GABRA2: variants seen among roughly 807,000 people sequenced by gnomAD.
GABRA2 encodes gamma-aminobutyric acid type A receptor subunit alpha2.
Under a neutral mutation model 48.7 loss-of-function variants are expected in GABRA2, and 16 were observed. That is an observed-to-expected ratio of 0.33 (90% CI 0.22 to 0.50). GABRA2 has a LOEUF of 0.50. Ranked by LOEUF, GABRA2 falls within the 20% of genes least tolerant of loss-of-function variation. The pLI is 0.98. For synonymous variants in GABRA2, 185 were observed against 184.5 expected (o/e 1.00, Z -0.02); for missense variants, 275 against 535.6 (o/e 0.51, Z 4.80).
chr4:46,287,717 C>G (rs1009632109), intron 8 of GABRA2, among the ~76,000 whole-genome samples: 2 of 150,960 alleles, frequency 1.3e-5, no homozygotes, highest in African/African-American at 4.9e-5. Context: ...CAGCATGGCA[C>G]ATGTATACGT....
chr4:46,388,989 G>T (rs200180048), intron 1 of GABRA2: 6 of 1,226,058 alleles, frequency 4.9e-6, no homozygotes, highest in Non-Finnish European at 6.1e-6. Context: ...ACTTCTCTCT[G>T]CCAGGAACGT....
rs2109396086 is a variant in GABRA2 at position 46,389,823 on chromosome 4, G to GAGAGAGAA, written c.-100_-99insTTCTCTCT. 1.1e-6 allele frequency: 1 copy of GAGAGAGAA among 927,068 alleles called. No individual in the cohort carries two copies. Among genetic ancestry groups the GAGAGAGAA allele is most frequent in the South Asian group, 5.2e-5 (1 of 19,174 alleles). The allele number at this position is 927,068 out of a possible 1,614,324, so 57.4% of individuals were successfully genotyped here. On this transcript the variant is annotated 5_prime_UTR_variant, in exon 1 of 10. Coordinates refer to ENST00000381620, the MANE Select transcript of GABRA2 (RefSeq NM_000807.4). The stretch of plus-strand genomic sequence containing the variant: ...CTTGGGAGAGAGAGAGAGAGAGAGA[G>GAGAGAGAA]AGAGAGAGAGAGAGAGAGAGAGAGA...
At chr4:46,356,448 A>AG (rs2109934265) in intron 3 of GABRA2, among the ~76,000 whole-genome samples, 1 of 151,584 alleles carries the variant, frequency 6.6e-6, no homozygotes, top group East Asian at 1.9e-4. Context: ...AAAAAAAAAA[A>AG]AAAGCCACTG....
intron 8 of GABRA2, among the ~76,000 whole-genome samples, chr4:46,291,486 G>C (rs558214079): frequency 6.6e-6 from 1 of 152,220 alleles, no homozygotes; most frequent in South Asian, 2.1e-4. Context: ...ATTTGAGTCA[G>C]TGGGCTGGGA....
chr4:46,335,226 T>C (rs1181994986), intron 3 of GABRA2, among the ~76,000 whole-genome samples: 1 of 152,132 alleles, frequency 6.6e-6, no homozygotes, highest in Non-Finnish European at 1.5e-5. Flanking sequence ...TCCAGTAGAA[T>C]ACAGGTTATT....
At chr4:46,307,291 CT>C (rs1382363759) in intron 6 of GABRA2, among the ~76,000 whole-genome samples, 2 of 151,734 alleles carry the variant, frequency 1.3e-5, no homozygotes, top group African/African-American at 4.8e-5. Flanking sequence ...GATCAAGTAG[CT>C]TGTTTTGTTT....
At chr4:46,355,913 A>G (rs1735885767) in intron 3 of GABRA2, among the ~76,000 whole-genome samples, 1 of 152,172 alleles carries the variant, frequency 6.6e-6, no homozygotes, top group South Asian at 2.1e-4. Flanking sequence ...AACAAAATGT[A>G]GTCAAAACAC....
intron 3 of GABRA2, among the ~76,000 whole-genome samples, chr4:46,355,252 C>T (rs1008563168): frequency 1.3e-4 from 20 of 152,044 alleles, no homozygotes; most frequent in African/African-American, 4.8e-4. Flanking sequence ...TCACTTCTTG[C>T]GGTATAAACA....
At chr4:46,259,534 C>A (rs992780308) in intron 9 of GABRA2, among the ~76,000 whole-genome samples, 1 of 151,786 alleles carries the variant, frequency 6.6e-6, no homozygotes, top group African/African-American at 2.4e-5. Context: ...TGTAATATGT[C>A]GAGTGTGCAC....
At position 46,312,523 on chromosome 4, in the gene GABRA2, T is replaced by A. The variant is rs1200995910; in HGVS notation, c.449A>T (p.Asp150Val). 6.2e-7 allele frequency: 1 copy of A among 1,608,038 alleles called. No homozygotes were observed. Among genetic ancestry groups the A allele is most frequent in the Admixed American group, 1.7e-5 (1 of 58,892 alleles). ...TMPNKLLRIQ[D>V]DGTLLYTMRL... ...CATGGTATACAGCAGAGTCCCATCA[T>A]CCTGAATTCGAAGCAACTTATTTGG... Residue 150 changes from aspartate (D) to valine (V), a missense_variant, in exon 5 of 10, where the codon GAT (aspartate) becomes GTT (valine). This residue lies in a region of GABRA2 where 113 missense variants were observed against 257.1 expected (regional missense o/e 0.44). Coordinates refer to ENST00000381620, the MANE Select transcript of GABRA2 (RefSeq NM_000807.4).
chr4:46,364,638 A>G (rs946692892), intron 3 of GABRA2: 1 of 152,222 alleles, frequency 6.6e-6, no homozygotes, highest in Admixed American at 6.5e-5. Context: ...GCTGGCTGTC[A>G]AGTCTCATCT....
chr4:46,315,558 C>G (rs757352450), intron 4 of GABRA2, among the ~76,000 whole-genome samples: 12 of 152,050 alleles, frequency 7.9e-5, no homozygotes, highest in Non-Finnish European at 1.5e-4. Context: ...CTCCACCTGC[C>G]TCAGTCCCTT....
intron 8 of GABRA2, among the ~76,000 whole-genome samples, chr4:46,292,509 A>T (rs1348779657): frequency 6.6e-6 from 1 of 152,214 alleles, no homozygotes; most frequent in Non-Finnish European, 1.5e-5. Context: ...GTAAACTCTG[A>T]TGAATGGGAT....
chr4:46,292,348 G>T (rs1723830611), intron 8 of GABRA2, among the ~76,000 whole-genome samples: 1 of 152,072 alleles, frequency 6.6e-6, no homozygotes, highest in Admixed American at 6.5e-5. Context: ...CTCTTATCAT[G>T]CAAGTGGCTG....
At chr4:46,303,292 G>T in intron 8 of GABRA2, 168 bp downstream of exon 8, 1 of 639,290 alleles carries the variant, frequency 1.6e-6, no homozygotes, top group Non-Finnish European at 2.8e-6. Flanking sequence ...TATTAACAGT[G>T]TAGCACTATG....
intron 3 of GABRA2, among the ~76,000 whole-genome samples, chr4:46,377,210 G>A (rs1218492593): frequency 1.3e-5 from 2 of 151,494 alleles, no homozygotes; most frequent in Non-Finnish European, 2.9e-5. Context: ...TCTGGGATGT[G>A]AGGAGCCCCT....
At chr4:46,316,567 T>A (rs972389370) in intron 4 of GABRA2, among the ~76,000 whole-genome samples, 1 of 152,036 alleles carries the variant, frequency 6.6e-6, no homozygotes, top group Non-Finnish European at 1.5e-5. Context: ...ATTTTTAAAT[T>A]GAAATCCTAA....
At chr4:46,388,348 T>C (rs1717761651) in intron 2 of GABRA2, among the ~76,000 whole-genome samples, 1 of 152,254 alleles carries the variant, frequency 6.6e-6, no homozygotes, top group South Asian at 2.1e-4. Flanking sequence ...TAAGTGCCTA[T>C]AATTAATCAC....
At chr4:46,295,223 G>C (rs534061750) in intron 8 of GABRA2, among the ~76,000 whole-genome samples, 2 of 152,330 alleles carry the variant, frequency 1.3e-5, no homozygotes, top group East Asian at 3.9e-4. Flanking sequence ...GCAGAACTTC[G>C]AACTGTGCAT....
Sources: allele counts gnomAD v4.1 joint callset (sites outside exome capture counted in the v4.1 genomes callset), GRCh38; gene constraint gnomAD v4.1.1; regional missense constraint gnomAD v4.1.1; transcripts MANE v1.5; gene names NCBI Gene and HGNC (gene_info 2026-07-23, HGNC 2026-07-21).